The following GPC5 variants were observed in gnomAD, a reference collection of about 807,000 sequenced individuals.
GPC5 encodes glypican 5.
In GPC5, 47 loss-of-function variants were observed where a neutral mutation model predicts 53.9. That is an observed-to-expected ratio of 0.87 (90% CI 0.69 to 1.11). The LOEUF is 1.11. GPC5 is among the 50% of genes most tolerant of loss of function. The probability of loss-of-function intolerance (pLI) is 0.00; values close to 1 mark genes in which losing one functional copy is unlikely to be tolerated. For synonymous variants in GPC5, 286 were observed against 263.3 expected, an observed-to-expected ratio of 1.09 and a Z score of -0.84; for missense variants, 748 against 713.1, an observed-to-expected ratio of 1.05 and a Z score of -0.56.
At chr13:92,408,463 G>A (rs561002911) in intron 7 of GPC5, among the ~76,000 whole-genome samples, 2 of 152,142 alleles carry the variant, frequency 1.3e-5, no homozygotes, top group South Asian at 2.1e-4. Context: ...TCCATGAGAA[G>A]TTTATTAGCA....
At chr13:92,800,796 C>A (rs1464831464) in intron 7 of GPC5, among the ~76,000 whole-genome samples, 1 of 151,526 alleles carries the variant, frequency 6.6e-6, no homozygotes, top group East Asian at 1.9e-4. Flanking sequence ...TTCTCAGTTC[C>A]CAATAATAAT....
At chr13:91,516,917 G>A (rs1885536688) in intron 2 of GPC5, among the ~76,000 whole-genome samples, 1 of 152,192 alleles carries the variant, frequency 6.6e-6, no homozygotes, top group Non-Finnish European at 1.5e-5. Flanking sequence ...CACAGCCCGA[G>A]CTGTACGTTG....
intron 2 of GPC5, among the ~76,000 whole-genome samples, chr13:91,606,219 G>T (rs1420087562): frequency 6.6e-6 from 1 of 151,254 alleles, no homozygotes; most frequent in African/African-American, 2.4e-5. Flanking sequence ...TAATCATGTG[G>T]TTTTTGTCTT....
At chr13:92,495,024 A>C (rs1412147211) in intron 7 of GPC5, among the ~76,000 whole-genome samples, 1 of 152,186 alleles carries the variant, frequency 6.6e-6, no homozygotes, top group Non-Finnish European at 1.5e-5. Flanking sequence ...ATTTTGCTTA[A>C]GAGTCCACTT....
intron 7 of GPC5, among the ~76,000 whole-genome samples, chr13:92,743,616 C>T (rs1267101925): frequency 6.6e-6 from 1 of 152,084 alleles, no homozygotes; most frequent in African/African-American, 2.4e-5. Context: ...GAACTTCCAA[C>T]ACTATGTTGA....
intron 7 of GPC5, among the ~76,000 whole-genome samples, chr13:92,739,430 A>C (rs949762802): frequency 1.3e-5 from 2 of 152,092 alleles, no homozygotes; most frequent in African/African-American, 4.8e-5. Flanking sequence ...AATGTAAAGA[A>C]AGGCACAGAA....
At chr13:92,500,660 C>A (rs1396399415) in intron 7 of GPC5, among the ~76,000 whole-genome samples, 1 of 152,130 alleles carries the variant, frequency 6.6e-6, no homozygotes, top group Non-Finnish European at 1.5e-5. Flanking sequence ...CTACAGGTAG[C>A]AGTAGTAGCA....
At chr13:91,937,661 T>A (rs1380212210) in intron 6 of GPC5, among the ~76,000 whole-genome samples, 1 of 152,134 alleles carries the variant, frequency 6.6e-6, no homozygotes, top group Non-Finnish European at 1.5e-5. Context: ...AGAAAATGGA[T>A]TTCCAAGATT....
chr13:92,312,444 CA>C (rs1449195221), intron 7 of GPC5, among the ~76,000 whole-genome samples: 1 of 151,974 alleles, frequency 6.6e-6, no homozygotes, highest in Non-Finnish European at 1.5e-5. Flanking sequence ...GTGGTTATGT[CA>C]AAAAATAATG....
chr13:91,541,256 G>T (rs1256428090), intron 2 of GPC5, among the ~76,000 whole-genome samples: 4 of 151,886 alleles, frequency 2.6e-5, no homozygotes, highest in African/African-American at 9.7e-5. Context: ...TATGTAATTT[G>T]TCCATTTCTT....
intron 7 of GPC5, among the ~76,000 whole-genome samples, chr13:92,725,072 C>T (rs1386016722): frequency 2.0e-5 from 3 of 151,558 alleles, no homozygotes; most frequent in African/African-American, 7.3e-5. Flanking sequence ...AGGTCTTCCC[C>T]TTAATAAATT....
rs375357573 is a variant in GPC5, at chr13:91,693,869, A to G, written c.1008A>G (p.Lys336=). ...AVLQAHLNGQ[K]LLEQVNRICG... ...TACAGGCTCACCTCAATGGACAAAA[A>G]TTATTGGAACAGGTAAGTAGGAGCT... is the stretch of plus-strand genomic sequence containing the variant. The change falls in exon 3 of 8, where the codon AAA becomes AAG. Residue 336 remains lysine, a synonymous_variant. Transcript: ENST00000377067. 2 of 1,593,044 alleles carry G rather than the reference A, an allele frequency of 1.3e-6. No homozygotes were observed. Among genetic ancestry groups the G allele is most frequent in the Admixed American group, 3.3e-5 (2 of 59,714 alleles).
intron 5 of GPC5, among the ~76,000 whole-genome samples, chr13:91,788,276 C>T (rs530343633): frequency 6.6e-6 from 1 of 152,316 alleles, no homozygotes; most frequent in South Asian, 2.1e-4. Context: ...TGTCTCATTT[C>T]TTCCTCTTTT....
At chr13:92,527,268 AAAGAAAGAAAG>A (rs1881395156) in intron 7 of GPC5, among the ~76,000 whole-genome samples, 2 of 145,294 alleles carry the variant, frequency 1.4e-5, no homozygotes, top group African/African-American at 2.5e-5. Flanking sequence ...AGAAAGAAAG[AAAGAAAGAAAG>A]AAAAAGATCA....
intron 2 of GPC5, among the ~76,000 whole-genome samples, chr13:91,601,000 T>TA (rs1423303144): frequency 6.6e-6 from 1 of 152,220 alleles, no homozygotes; most frequent in Non-Finnish European, 1.5e-5. Flanking sequence ...TTTGTTAATA[T>TA]ATTTATTGAA....
chr13:91,916,269 C>T (rs1390839230), intron 6 of GPC5, among the ~76,000 whole-genome samples: 2 of 152,054 alleles, frequency 1.3e-5, no homozygotes, highest in Non-Finnish European at 2.9e-5. Context: ...ACCATTATGA[C>T]CCAGCAATTC....
At chr13:92,168,650 C>G (rs1398106452) in intron 7 of GPC5, among the ~76,000 whole-genome samples, 4 of 152,014 alleles carry the variant, frequency 2.6e-5, no homozygotes, top group Admixed American at 2.0e-4. Flanking sequence ...TCACACCAGT[C>G]AGAATGGTGA....
At chr13:91,948,612 T>C (rs1170986633) in intron 6 of GPC5, among the ~76,000 whole-genome samples, 1 of 152,190 alleles carries the variant, frequency 6.6e-6, no homozygotes, top group African/African-American at 2.4e-5. Flanking sequence ...TGTTTAAAAA[T>C]ACCCCATGAG....
At position 91,570,048 on chromosome 13, in the gene GPC5, G is replaced by A. The variant is rs541002053; in HGVS notation, c.325+121126G>A. Among the ~76,000 whole-genome samples, 78 of 152,076 alleles carry A rather than the reference G, an allele frequency of 5.1e-4. 1 individual carries two copies. The highest frequency in any genetic ancestry group is 1.8e-3 in the African/African-American group (73 of 41,490). ...AATTTTAGAGTGATTAAGTCCCTTC[G>A]GAAAAAATGATTAAACAGAAAATGC... On this transcript the variant is annotated intron_variant, in intron 2 of 7. Transcript: ENST00000377067.
Sources: allele counts gnomAD v4.1 joint callset (sites outside exome capture counted in the v4.1 genomes callset), GRCh38; gene constraint gnomAD v4.1.1; transcripts MANE v1.5; gene names NCBI Gene and HGNC (gene_info 2026-07-23, HGNC 2026-07-21).